CTTNBP2: variants seen among roughly 807,000 people sequenced by gnomAD.
CTTNBP2 encodes the protein cortactin-binding protein 2.
In CTTNBP2, 108 loss-of-function variants were observed where a neutral mutation model predicts 156.9. The ratio of observed to expected loss-of-function variants is 0.69; its 90% CI spans 0.59 to 0.81. The LOEUF (loss-of-function observed/expected upper bound fraction) is 0.81. Ranked by LOEUF, CTTNBP2 falls within the 30% of genes least tolerant of loss-of-function variation. The pLI is 0.00. For missense variants in CTTNBP2, 1,924 were observed against 2,035.4 expected, an observed-to-expected ratio of 0.95 and a Z score of 1.05; for synonymous variants, 767 against 751.8, an observed-to-expected ratio of 1.02 and a Z score of -0.33.
At chr7:117,835,440 T>G (rs2117100534) in intron 2 of CTTNBP2, among the ~76,000 whole-genome samples, 1 of 152,328 alleles carries the variant, frequency 6.6e-6, no homozygotes, top group South Asian at 2.1e-4. Context: ...GCAGCCAAAC[T>G]TCAGTCAACC....
intron 3 of CTTNBP2, among the ~76,000 whole-genome samples, chr7:117,793,776 T>G (rs1358613875): frequency 6.6e-6 from 1 of 152,360 alleles, no homozygotes; most frequent in East Asian, 1.9e-4. Flanking sequence ...TTTTTCTAAC[T>G]GATCAGCCTA....
At chr7:117,714,658 G>T (rs1177087288) in intron 22 of CTTNBP2, among the ~76,000 whole-genome samples, 1 of 152,186 alleles carries the variant, frequency 6.6e-6, no homozygotes, top group Non-Finnish European at 1.5e-5. Context: ...GTACTGAGAA[G>T]TACCCAGAAC....
intron 2 of CTTNBP2, among the ~76,000 whole-genome samples, chr7:117,814,836 T>C (rs1385486217): frequency 6.6e-6 from 1 of 152,238 alleles, no homozygotes; most frequent in Non-Finnish European, 1.5e-5. Context: ...GGCTTTGTAT[T>C]TGTTGCTAAC....
chr7:117,767,068 C>G lies in CTTNBP2; in HGVS notation c.2887G>C (p.Glu963Gln). 1 of 1,566,118 alleles carries G rather than the reference C, an allele frequency of 6.4e-7. No individual in the cohort carries two copies. Among genetic ancestry groups the G allele is most frequent in the Non-Finnish European group, 8.8e-7 (1 of 1,136,348 alleles). The stretch of plus-strand genomic sequence containing the variant: ...TCTGAACATCACTCACTCAGATTCT[C>G]CAGCAAATGCTTGCAGTCATCAGTG... ...VATDDCKHLL[E>Q]NLNALKIPLR... is the part of the protein sequence containing the mutation. The change falls in exon 9 of 23, where the codon GAG (glutamate) becomes CAG (glutamine). Residue 963 changes from glutamate (E) to glutamine (Q), a missense_variant. Physicochemically the swap from Glu to Gln is conservative, Grantham distance 29. Transcript: ENST00000160373.
rs1489879431 is a variant in CTTNBP2, at chr7:117,792,174, G to A, written c.1022C>T (p.Ala341Val). Residue 341 changes from alanine (A) to valine (V), a missense_variant, in exon 4 of 23, where the codon GCA becomes GTA. By Grantham distance (64) the Ala-to-Val change is moderately conservative. Coordinates refer to ENST00000160373, the MANE Select transcript of CTTNBP2 (RefSeq NM_033427.3). This position sits in a 1 kb window ranked among gnomAD's most constrained non-coding sequence, Gnocchi z 4.2. ...STGSPLVSAN[A>V]KGSVCTSATM... The stretch of plus-strand genomic sequence containing the variant: ...GGCACTGGTGCACACGCTCCCTTTT[G>A]CATTTGCAGAAACTAGGGGACTCCC... 3.1e-6 allele frequency: 5 copies of A among 1,614,198 alleles called. No homozygotes were observed. Among genetic ancestry groups the A allele is most frequent in the Non-Finnish European group, 3.4e-6 (4 of 1,180,040 alleles).
chr7:117,832,927 T>C (rs1801708987), intron 2 of CTTNBP2, among the ~76,000 whole-genome samples: 1 of 151,808 alleles, frequency 6.6e-6, no homozygotes. Context: ...TTCTTTTTTT[T>C]TGTACTTTTA....
At chr7:117,756,383 C>T (rs1271079719) in intron 12 of CTTNBP2, among the ~76,000 whole-genome samples, 172 bp downstream of exon 12, 1 of 152,002 alleles carries the variant, frequency 6.6e-6, no homozygotes, top group Non-Finnish European at 1.5e-5. Flanking sequence ...TGACAGAAAT[C>T]CAGACTATGT....
intron 2 of CTTNBP2, among the ~76,000 whole-genome samples, chr7:117,842,263 C>T (rs996636961): frequency 1.3e-5 from 2 of 152,074 alleles, no homozygotes; most frequent in African/African-American, 2.4e-5. Flanking sequence ...TGCAATGGTG[C>T]GATCCCGGCT....
chr7:117,714,661 C>T (rs1183853415), intron 22 of CTTNBP2, among the ~76,000 whole-genome samples: 2 of 152,184 alleles, frequency 1.3e-5, no homozygotes, highest in African/African-American at 4.8e-5. Flanking sequence ...CTGAGAAGTA[C>T]CCAGAACAAC....
At chr7:117,847,820 T>G (rs34214011) in intron 2 of CTTNBP2, among the ~76,000 whole-genome samples, 1 of 32,166 alleles carries the variant, frequency 3.1e-5, no homozygotes, top group African/African-American at 1.3e-4. Flanking sequence ...TTGCCTAACC[T>G]TTTTTTTTTT....
chr7:117,860,093 C>T (rs1215583691), intron 2 of CTTNBP2, among the ~76,000 whole-genome samples: 3 of 152,092 alleles, frequency 2.0e-5, no homozygotes, highest in Admixed American at 2.0e-4. Context: ...ATTAGACTTC[C>T]TAAGACAAGG....
intron 2 of CTTNBP2, among the ~76,000 whole-genome samples, chr7:117,852,740 C>G (rs1421356826): frequency 6.6e-6 from 1 of 152,164 alleles, no homozygotes; most frequent in African/African-American, 2.4e-5. Flanking sequence ...CTAACAATTT[C>G]TTTGTAGCTT....
At chr7:117,767,995 T>A (rs576405606) in intron 8 of CTTNBP2, among the ~76,000 whole-genome samples, 1 of 152,144 alleles carries the variant, frequency 6.6e-6, no homozygotes, top group African/African-American at 2.4e-5. Flanking sequence ...TTGGCTAATT[T>A]CCCACAAGGC....
intron 14 of CTTNBP2, among the ~76,000 whole-genome samples, chr7:117,739,713 C>A (rs576243675): frequency 2.0e-5 from 3 of 152,310 alleles, no homozygotes; most frequent in Non-Finnish European, 4.4e-5. Context: ...CAGAAAACAA[C>A]CCCTCTTTTC....
chr7:117,796,174 T>C (rs1473570828), intron 3 of CTTNBP2, among the ~76,000 whole-genome samples: 1 of 152,240 alleles, frequency 6.6e-6, no homozygotes, highest in African/African-American at 2.4e-5. Context: ...CTGCTCAGTG[T>C]TGGACTTTCC....
intron 2 of CTTNBP2, among the ~76,000 whole-genome samples, chr7:117,832,974 C>G (rs1251930370): frequency 6.6e-6 from 1 of 151,700 alleles, no homozygotes; most frequent in African/African-American, 2.4e-5. Context: ...CTAGGCTGGT[C>G]TCAAACTCCT....
chr7:117,844,074 T>C (rs113447067), intron 2 of CTTNBP2, among the ~76,000 whole-genome samples: 4 of 151,892 alleles, frequency 2.6e-5, no homozygotes, highest in Admixed American at 1.3e-4. Flanking sequence ...CAGGGACAGA[T>C]AGACACTGCA....
At chr7:117,786,718 G>A (rs1345455126) in intron 4 of CTTNBP2, among the ~76,000 whole-genome samples, 1 of 152,082 alleles carries the variant, frequency 6.6e-6, no homozygotes, top group Non-Finnish European at 1.5e-5. Flanking sequence ...TTTGGGTTTT[G>A]TTTACATTTT....
In CTTNBP2 at chr7:117,792,623, C is replaced by G; in HGVS notation, c.573G>C (p.Lys191Asn). Residue 191 changes from lysine to asparagine, a missense_variant, in exon 4 of 23, where the codon AAG (lysine) becomes AAC (asparagine). By Grantham distance (94) the Lys-to-Asn change is moderately conservative. Transcript: ENST00000160373. The surrounding 1 kb of genome is among the most constrained non-coding windows in gnomAD (Gnocchi z 4.2). ...CCAGTTTGGCCATTACGTCTTCGAGCTTCTGGGCCTCCTCTATGACTTTGC... is the reference window on the plus strand; with the variant it reads ...CCAGTTTGGCCATTACGTCTTCGAGGTTCTGGGCCTCCTCTATGACTTTGC... ...LSGKVIEEAQ[K>N]LEDVMAKLEE... 2 of 1,614,148 alleles carry G rather than the reference C, an allele frequency of 1.2e-6. No individual in the cohort carries two copies. Among genetic ancestry groups the G allele is most frequent in the Non-Finnish European group, 1.7e-6 (2 of 1,180,028 alleles).
Sources: allele counts gnomAD v4.1 joint callset (sites outside exome capture counted in the v4.1 genomes callset), GRCh38; gene constraint gnomAD v4.1.1; non-coding constraint Gnocchi (gnomAD v3.1); transcripts MANE v1.5; gene names NCBI Gene and HGNC (gene_info 2026-07-23, HGNC 2026-07-21).